The following HOXB13 variants were observed in gnomAD, a reference collection of about 807,000 sequenced individuals.
HOXB13 encodes the protein homeobox protein Hox-B13.
HOXB13 carries 22 observed loss-of-function variants against 23.1 expected under a neutral mutation model. The observed-to-expected ratio is 0.95, with a 90% CI of 0.68 to 1.36. HOXB13 has a LOEUF of 1.36. Ranked by LOEUF, HOXB13 falls within the 40% of genes most tolerant of loss-of-function variation. The pLI is 0.00. For synonymous variants in HOXB13, 173 were observed against 157.9 expected (o/e 1.10, Z -0.72); for missense variants, 386 against 376.2 (o/e 1.03, Z -0.22).
chr17:48,726,656 G>A lies in HOXB13; in HGVS notation c.*134C>T. The A allele has an allele frequency of 2.7e-6, 3 of 1,130,000 alleles. No homozygotes were observed. The highest frequency in any genetic ancestry group is 1.6e-5 in the South Asian group (1 of 62,384). 70.0% of individuals were successfully genotyped at this position (1,130,000 alleles called of 1,614,324 possible). On this transcript the variant is annotated 3_prime_UTR_variant, in exon 2 of 2. Transcript: ENST00000290295. ...GCCGCTCCTGAGGAACAGTCCAGCA[G>A]CCAGTGGCCTGGGAAGGGTGTTGTC...
In HOXB13 at chr17:48,724,882, G is replaced by A. The variant is rs1384367976; in HGVS notation, c.*1908C>T. 1.8e-5 allele frequency: 7 copies of A among 396,620 alleles called. No individual in the cohort carries two copies. Among genetic ancestry groups the A allele is most frequent in the Non-Finnish European group, 2.6e-5 (6 of 228,784 alleles). The allele number at this position is 396,620 out of a possible 1,614,324, so 24.6% of individuals were successfully genotyped here. A position where few individuals can be genotyped will look rare whatever the true frequency, so the allele number is the denominator to read the frequency against. ...GTCCAGAGGTTCCAGACCCCCAAAGGTCTCTACCAGGGCCATCTCCGTTAG... is the reference window on the plus strand; with the variant it reads ...GTCCAGAGGTTCCAGACCCCCAAAGATCTCTACCAGGGCCATCTCCGTTAG... On this transcript the variant is annotated 3_prime_UTR_variant, in exon 2 of 2. Coordinates refer to ENST00000290295, the MANE Select transcript of HOXB13 (RefSeq NM_006361.6).
In HOXB13 at chr17:48,728,550, A is replaced by C. The variant is rs1167132244; in HGVS notation, c.44T>G (p.Ile15Ser). The change falls in exon 1 of 2, where the codon ATC becomes AGC. Residue 15 changes from isoleucine (I) to serine (S), a missense_variant. Transcript: ENST00000290295. ...NYATLDGAKD[I>S]EGLLGAGGGR... ...CCCTCCCGCTCCCAGCAAGCCTTCGATATCCTTGGCTCCATCCAAGGTGGC... is the reference window on the plus strand; with the variant it reads ...CCCTCCCGCTCCCAGCAAGCCTTCGCTATCCTTGGCTCCATCCAAGGTGGC... 1.1e-5 allele frequency: 17 copies of C among 1,612,844 alleles called. No individual in the cohort carries two copies. The highest frequency in any genetic ancestry group is 1.4e-5 in the Non-Finnish European group (16 of 1,179,946).
At position 48,726,961 on chromosome 17, in the gene HOXB13, C is replaced by T; in HGVS notation, c.684G>A (p.Leu228=). The T allele has an allele frequency of 6.2e-7, 1 of 1,613,648 alleles. No homozygotes were observed. The highest frequency in any genetic ancestry group is 8.5e-7 in the Non-Finnish European group (1 of 1,180,030). ...CCGCATACTCCCGCTCCAGCTCCCG[C>T]AACTGCCCCTTGCTGTACGGAATGC... is the stretch of plus-strand genomic sequence containing the variant. ...KKRIPYSKGQ[L]RELEREYAAN... is the part of the protein sequence containing the mutation. Residue 228 remains leucine (L), a synonymous_variant, in exon 2 of 2, where the codon TTG becomes TTA. Transcript: ENST00000290295.
In HOXB13 at chr17:48,726,977, T is replaced by C. The variant is rs2038218249; in HGVS notation, c.668A>G (p.Tyr223Cys). 6.2e-7 allele frequency: 1 copy of C among 1,612,978 alleles called. No individual in the cohort carries two copies. Among genetic ancestry groups the C allele is most frequent in the Non-Finnish European group, 8.5e-7 (1 of 1,180,020 alleles). Residue 223 changes from tyrosine to cysteine, a missense_variant, in exon 2 of 2, where the codon TAC becomes TGC. Physicochemically the swap from Tyr to Cys is radical, Grantham distance 194. Coordinates refer to ENST00000290295, the MANE Select transcript of HOXB13 (RefSeq NM_006361.6). ...FRRGRKKRIP[Y>C]SKGQLRELER... ...CAGCTCCCGCAACTGCCCCTTGCTG[T>C]ACGGAATGCGTTTCTTGCGGCCGCG...
rs1597935079 is a variant in HOXB13, at chr17:48,728,480, C to G, written c.114G>C (p.Ala38=). ...TGACAGCAGGCATCAGCGTAGGCGC[C>G]GCTGGGTGGCTGGTCAGAGGGGAGT... is the stretch of plus-strand genomic sequence containing the variant. ...VAHSPLTSHP[A]APTLMPAVNY... Residue 38 remains alanine (A), a synonymous_variant, in exon 1 of 2, where the codon GCG becomes GCC. Transcript: ENST00000290295. 1.2e-6 allele frequency: 2 copies of G among 1,613,214 alleles called. No individual in the cohort carries two copies. Among genetic ancestry groups the G allele is most frequent in the Non-Finnish European group, 1.7e-6 (2 of 1,179,848 alleles).
At position 48,728,325 on chromosome 17, in the gene HOXB13, CAGG is replaced by C. The variant is rs2143073239; in HGVS notation, c.266_268del (p.Ser89del). On this transcript the variant is annotated inframe_deletion, in exon 1 of 2. Coordinates refer to ENST00000290295, the MANE Select transcript of HOXB13 (RefSeq NM_006361.6). ...TTTCAGCGAGCTCCGGGACACTCGG[CAGG>C]AGTAGTACCCGCCTCCAAAGTAACC... 6.2e-7 allele frequency: 1 copy of C among 1,613,914 alleles called. No individual in the cohort carries two copies. The highest frequency in any genetic ancestry group is 8.5e-7 in the Non-Finnish European group (1 of 1,180,004).
chr17:48,728,398 A>T lies in HOXB13; in HGVS notation c.196T>A (p.Cys66Ser). The T allele has an allele frequency of 6.2e-7, 1 of 1,613,710 alleles. No homozygotes were observed. Among genetic ancestry groups the T allele is most frequent in the South Asian group, 1.1e-5 (1 of 91,072 alleles). The stretch of plus-strand genomic sequence containing the variant: ...GACGTCCCCTGGGGCACCCCAGGGC[A>T]TGGGTGGCATTGCTTTGGCGGCTCC... ...SAEPPKQCHP[C>S]PGVPQGTSPA... is the part of the protein sequence containing the mutation. Residue 66 changes from cysteine to serine, a missense_variant, in exon 1 of 2, where the codon TGC (cysteine) becomes AGC (serine). Physicochemically the swap from Cys to Ser is moderately radical, Grantham distance 112 (BLOSUM62 -1). Coordinates refer to ENST00000290295, the MANE Select transcript of HOXB13 (RefSeq NM_006361.6).
In HOXB13 at chr17:48,725,474, T is replaced by C. The variant is rs2038198748; in HGVS notation, c.*1316A>G. On this transcript the variant is annotated 3_prime_UTR_variant, in exon 2 of 2. Coordinates refer to ENST00000290295, the MANE Select transcript of HOXB13 (RefSeq NM_006361.6). ...TTGGCTGCGGCGGCCGCCGCGGGGT[T>C]TCTAGGAGAGCTGGCTCCGGGAGGG... The C allele has an allele frequency of 6.6e-6, 1 of 152,110 alleles. No individual in the cohort carries two copies. Among genetic ancestry groups the C allele is most frequent in the Non-Finnish European group, 1.5e-5 (1 of 68,048 alleles). The allele number at this position is 152,110 out of a possible 1,614,324, so 9.4% of individuals were successfully genotyped here. A position where few individuals can be genotyped will look rare whatever the true frequency, so the allele number is the denominator to read the frequency against.
In HOXB13 at chr17:48,726,129, G is replaced by A. The variant is rs1302806000; in HGVS notation, c.*661C>T. 2 of 152,252 alleles carry A rather than the reference G, an allele frequency of 1.3e-5. No individual in the cohort carries two copies. Among genetic ancestry groups the A allele is most frequent in the Non-Finnish European group, 2.9e-5 (2 of 68,074 alleles). The allele number at this position is 152,252 out of a possible 1,614,324, so 9.4% of individuals were successfully genotyped here. A position where few individuals can be genotyped will look rare whatever the true frequency, so the allele number is the denominator to read the frequency against. On this transcript the variant is annotated 3_prime_UTR_variant, in exon 2 of 2. Transcript: ENST00000290295. The stretch of plus-strand genomic sequence containing the variant: ...AAGGACTGACTAGGGGCAGCCTGCT[G>A]GCTTCATTTTCACACGACAGAAAAA...
chr17:48,727,096 G>A (rs2038220681), intron 1 of HOXB13, 53 bp from the exon 2 acceptor site: 2 of 1,584,350 alleles, frequency 1.3e-6, no homozygotes, highest in East Asian at 4.5e-5. Flanking sequence ...ACCCACCCAT[G>A]CAGACCCAGG....
chr17:48,727,702 C>G (rs1280092707), intron 1 of HOXB13, among the ~76,000 whole-genome samples: 1 of 152,186 alleles, frequency 6.6e-6, no homozygotes, highest in Non-Finnish European at 1.5e-5. Flanking sequence ...CCCCACTCAA[C>G]AGCAAAGAGA....
Position 48,727,005 on chromosome 17 carries a change from G to A in HOXB13, c.640C>T (p.Arg214Cys), listed in dbSNP as rs1187061907. Residue 214 changes from arginine (R) to cysteine (C), a missense_variant, in exon 2 of 2, where the codon CGT (arginine) becomes TGT (cysteine). Coordinates refer to ENST00000290295, the MANE Select transcript of HOXB13 (RefSeq NM_006361.6). ...GGAATGCGTTTCTTGCGGCCGCGAC[G>A]AAAGGCGCAGGCGTCAGGAGGGTGC... ...GQHPPDACAFRRGRKKRIPYS... is the reference protein window; with the variant it reads ...GQHPPDACAFCRGRKKRIPYS... 6.2e-7 allele frequency: 1 copy of A among 1,610,598 alleles called. No individual in the cohort carries two copies. Among genetic ancestry groups the A allele is most frequent in the Admixed American group, 1.7e-5 (1 of 60,020 alleles).
chr17:48,726,937 C>A lies in HOXB13; in HGVS notation c.708G>T (p.Ala236=). The change falls in exon 2 of 2, where the codon GCG becomes GCT. Residue 236 remains alanine (A), a synonymous_variant. Coordinates refer to ENST00000290295, the MANE Select transcript of HOXB13 (RefSeq NM_006361.6). ...TGTCCTTGGTGATGAACTTGTTAGCCGCATACTCCCGCTCCAGCTCCCGCA... is the reference window on the plus strand; with the variant it reads ...TGTCCTTGGTGATGAACTTGTTAGCAGCATACTCCCGCTCCAGCTCCCGCA... The part of the protein sequence containing the change: ...GQLRELEREY[A]ANKFITKDKR... 3.7e-6 allele frequency: 6 copies of A among 1,613,904 alleles called. No homozygotes were observed. Among genetic ancestry groups the A allele is most frequent in the Non-Finnish European group, 5.1e-6 (6 of 1,180,022 alleles).
At position 48,727,049 on chromosome 17, in the gene HOXB13, C is replaced by T. The variant is rs554306913; in HGVS notation, c.602-6G>A. The T allele has an allele frequency of 2.5e-6, 4 of 1,603,846 alleles. No homozygotes were observed. The highest frequency in any genetic ancestry group is 2.7e-5 in the African/African-American group (2 of 74,880). On this transcript the variant is annotated splice_region_variant and splice_polypyrimidine_tract_variant and intron_variant, in intron 1 of 1. Coordinates refer to ENST00000290295, the MANE Select transcript of HOXB13 (RefSeq NM_006361.6). ...AGGGTGCTGCCCGCTGGAGTCTGCGCGGCGTGAAAGGGAGGGAGGAAAAGG... is the reference window on the plus strand; with the variant it reads ...AGGGTGCTGCCCGCTGGAGTCTGCGTGGCGTGAAAGGGAGGGAGGAAAAGG...
rs1440227956 is a variant in HOXB13, at chr17:48,728,641, G to A, written c.-48C>T. 6.3e-7 allele frequency: 1 copy of A among 1,597,608 alleles called. No homozygotes were observed. The highest frequency in any genetic ancestry group is 8.5e-7 in the Non-Finnish European group (1 of 1,172,774). On this transcript the variant is annotated 5_prime_UTR_variant, in exon 1 of 2. Transcript: ENST00000290295. Reference sequence around the variant, plus strand: ...GGTGCGGGGGCGGGGAATCTAGGGGGCACCCAGCTCGCTCTCCCCACCCAG... The same window carrying A: ...GGTGCGGGGGCGGGGAATCTAGGGGACACCCAGCTCGCTCTCCCCACCCAG...
rs1260716853 is a variant in HOXB13 at position 48,728,523 on chromosome 17, C to T, written c.71G>A (p.Gly24Glu). The change falls in exon 1 of 2, where the codon GGG becomes GAG. Residue 24 changes from glycine to glutamate, a missense_variant. Physicochemically the swap from Gly to Glu is moderately conservative, Grantham distance 98. Transcript: ENST00000290295. ...AGGGGAGTGGGCGACCAGATTCCGC[C>T]CCCCTCCCGCTCCCAGCAAGCCTTC... Reference protein sequence around the residue: ...DIEGLLGAGGGRNLVAHSPLT... With the variant: ...DIEGLLGAGGERNLVAHSPLT... The T allele has an allele frequency of 6.2e-7, 1 of 1,613,262 alleles. No homozygotes were observed.
chr17:48,727,838 T>A (rs2038226668), intron 1 of HOXB13, among the ~76,000 whole-genome samples, 155 bp downstream of exon 1: 1 of 152,148 alleles, frequency 6.6e-6, no homozygotes, highest in Non-Finnish European at 1.5e-5. Context: ...GCCCTCCAGC[T>A]ACTCAGACCT....
chr17:48,726,881 A>G lies in HOXB13; in HGVS notation c.764T>C (p.Leu255Pro). The change falls in exon 2 of 2, where the codon CTC becomes CCC. Residue 255 changes from leucine (L) to proline (P), a missense_variant. Coordinates refer to ENST00000290295, the MANE Select transcript of HOXB13 (RefSeq NM_006361.6). ...KRRKISAATS[L>P]SERQITIWFQ... The stretch of plus-strand genomic sequence containing the variant: ...CCAGATGGTAATCTGGCGCTCCGAG[A>G]GGCTGGTGGCTGCCGAGATCTTGCG... 1 of 1,613,830 alleles carries G rather than the reference A, an allele frequency of 6.2e-7. No homozygotes were observed. The highest frequency in any genetic ancestry group is 1.3e-5 in the African/African-American group (1 of 74,936).
chr17:48,728,619 G>T lies in HOXB13; in HGVS notation c.-26C>A. ...GGAGCCGAGGGTCGGCTCATGAGGTGCGGGGGCGGGGAATCTAGGGGGCAC... is the reference window on the plus strand; with the variant it reads ...GGAGCCGAGGGTCGGCTCATGAGGTTCGGGGGCGGGGAATCTAGGGGGCAC... On this transcript the variant is annotated 5_prime_UTR_variant, in exon 1 of 2. Transcript: ENST00000290295. 1 of 1,609,534 alleles carries T rather than the reference G, an allele frequency of 6.2e-7. No individual in the cohort carries two copies. The highest frequency in any genetic ancestry group is 2.2e-5 in the East Asian group (1 of 44,846).
Sources: allele counts gnomAD v4.1 joint callset (sites outside exome capture counted in the v4.1 genomes callset), GRCh38; gene constraint gnomAD v4.1.1; transcripts MANE v1.5; gene names NCBI Gene and HGNC (gene_info 2026-07-23, HGNC 2026-07-21).